The following CFAP54 variants were observed in gnomAD, a reference collection of about 807,000 sequenced individuals.
CFAP54 encodes the protein cilia- and flagella-associated protein 54.
Under a neutral mutation model 370.4 loss-of-function variants are expected in CFAP54, and 290 were observed. The ratio of observed to expected loss-of-function variants is 0.78; its 90% confidence interval spans 0.71 to 0.86. The LOEUF (loss-of-function observed/expected upper bound fraction) is 0.86, where lower values mean the gene tolerates loss of function less well. CFAP54 is among the 40% of genes least tolerant of loss of function. The pLI, the probability that CFAP54 is intolerant of heterozygous loss-of-function variation, is 0.00. For missense variants in CFAP54, 3,399 were observed against 3,528.7 expected (o/e 0.96, Z 0.93); for synonymous variants, 1,206 against 1,236.5 (o/e 0.98, Z 0.52).
At chr12:96,679,858 C>G in intron 40 of CFAP54, 106 bp downstream of exon 40, 2 of 1,130,668 alleles carry the variant, frequency 1.8e-6, no homozygotes, top group Non-Finnish European at 1.3e-6. Flanking sequence ...GTACATGCAA[C>G]ACTCCCTGAT....
chr12:96,871,303 A>G (rs1274250862), intron 67 of CFAP54, among the ~76,000 whole-genome samples: 1 of 152,196 alleles, frequency 6.6e-6, no homozygotes, highest in Admixed American at 6.5e-5. Context: ...TTAATAAATT[A>G]TTTGTGCTTT....
At chr12:96,850,394 G>A (rs1229226992) in intron 66 of CFAP54, among the ~76,000 whole-genome samples, 2 of 152,006 alleles carry the variant, frequency 1.3e-5, no homozygotes, top group South Asian at 4.1e-4. Context: ...ATTCAGGGGA[G>A]TGGGAGAGGC....
chr12:96,639,819 C>A (rs533925450), intron 32 of CFAP54, among the ~76,000 whole-genome samples: 22 of 151,712 alleles, frequency 1.5e-4, no homozygotes, highest in African/African-American at 4.8e-4. Flanking sequence ...ACAGAACCAA[C>A]GACAAAAACC....
chr12:96,566,193 A>G (rs1955863930), intron 19 of CFAP54, among the ~76,000 whole-genome samples: 1 of 152,222 alleles, frequency 6.6e-6, no homozygotes, highest in Non-Finnish European at 1.5e-5. Flanking sequence ...AGAACAAACT[A>G]ATACACCTTC....
Position 96,743,459 on chromosome 12 carries a change from G to A in CFAP54, c.7277G>A (p.Ser2426Asn). Reference sequence around the variant, plus strand: ...AATGAAGTGTGTATGGAGGCAAAAAGCGCAGGGGACACGGAACTGCAGGCT... The same window carrying A: ...AATGAAGTGTGTATGGAGGCAAAAAACGCAGGGGACACGGAACTGCAGGCT... ...LINEVCMEAKSAGDTELQAEF... is the reference protein window; with the variant it reads ...LINEVCMEAKNAGDTELQAEF... The change falls in exon 53 of 68, where the codon AGC (serine) becomes AAC (asparagine). Residue 2426 changes from serine to asparagine, a missense_variant. Ser to Asn is a conservative substitution (Grantham distance 46). This residue lies in a region of CFAP54 where 2,796 missense variants were observed against 2,869.7 expected (regional missense o/e 0.97). Coordinates refer to ENST00000524981, the MANE Select transcript of CFAP54 (RefSeq NM_001306084.2). 1.2e-6 allele frequency: 2 copies of A among 1,614,090 alleles called. No homozygotes were observed. Among genetic ancestry groups the A allele is most frequent in the South Asian group, 1.1e-5 (1 of 91,074 alleles).
At chr12:96,743,067 A>G (rs145314818) in intron 52 of CFAP54, among the ~76,000 whole-genome samples, 54 of 152,318 alleles carry the variant, frequency 3.5e-4, no homozygotes, top group African/African-American at 1.2e-3. Flanking sequence ...CTGTTCTTAG[A>G]TCACAGCTTG....
chr12:96,591,295 A>G (rs1368011457), intron 23 of CFAP54, among the ~76,000 whole-genome samples: 1 of 152,208 alleles, frequency 6.6e-6, no homozygotes, highest in Non-Finnish European at 1.5e-5. Context: ...TGAATTCAAG[A>G]GAGCCACTTT....
chr12:96,657,870 TGCTAC>T lies in CFAP54; in HGVS notation c.5101-11_5101-7del. ...AAATTACACATTTTTTTTTTCACTG[TGCTAC>T]TTGCAGCCTATTGAAGACAAAGGAG... On this transcript the variant is annotated splice_polypyrimidine_tract_variant and splice_region_variant and intron_variant, in intron 36 of 67. Transcript: ENST00000524981. 2 of 1,559,112 alleles carry T rather than the reference TGCTAC, an allele frequency of 1.3e-6. No homozygotes were observed. Among genetic ancestry groups the T allele is most frequent in the Admixed American group, 1.9e-5 (1 of 53,512 alleles).
intron 23 of CFAP54, 89 bp from the exon 24 acceptor site, chr12:96,592,401 G>A (rs917434284): frequency 5.3e-6 from 2 of 373,958 alleles, no homozygotes; most frequent in African/African-American, 4.1e-5. Flanking sequence ...GGATCTTTGT[G>A]TAGATACTGA....
intron 58 of CFAP54, among the ~76,000 whole-genome samples, chr12:96,763,301 G>C (rs371408052): frequency 2.6e-5 from 4 of 151,736 alleles, no homozygotes; most frequent in African/African-American, 9.7e-5. Flanking sequence ...CTCAATCATT[G>C]TTTGTTTGTT....
At chr12:96,517,679 C>G (rs113362376) in intron 5 of CFAP54, among the ~76,000 whole-genome samples, 2,637 of 152,272 alleles carry the variant, frequency 0.017, 40 homozygotes, top group Non-Finnish European at 0.027. Flanking sequence ...AAGGAATCAA[C>G]CTTAGTCTAA....
chr12:96,755,394 T>C (rs1219260185), intron 56 of CFAP54, among the ~76,000 whole-genome samples: 1 of 152,148 alleles, frequency 6.6e-6, no homozygotes. Flanking sequence ...ATAGTCACCA[T>C]GTTGTACAAT....
At chr12:96,502,244 T>C (rs1955037098) in intron 2 of CFAP54, among the ~76,000 whole-genome samples, 2 of 152,120 alleles carry the variant, frequency 1.3e-5, no homozygotes, top group Middle Eastern at 3.4e-3. Flanking sequence ...GAAAAAGTTT[T>C]ATCTACTTTT....
chr12:96,788,530 T>G (rs1402665762), intron 62 of CFAP54, among the ~76,000 whole-genome samples: 1 of 152,252 alleles, frequency 6.6e-6, no homozygotes, highest in Non-Finnish European at 1.5e-5. Context: ...GATATGTTCA[T>G]GTTACTGTTG....
In CFAP54 at chr12:96,773,616, A is replaced by G. The variant is rs77039811; in HGVS notation, c.8281+8398A>G. On this transcript the variant is annotated intron_variant, in intron 60 of 67. Coordinates refer to ENST00000524981, the MANE Select transcript of CFAP54 (RefSeq NM_001306084.2). ...AATACAAATAGTGGTATAACTGTACACATAATAATGCTCCTTGCTCTTTTT... is the reference window on the plus strand; with the variant it reads ...AATACAAATAGTGGTATAACTGTACGCATAATAATGCTCCTTGCTCTTTTT... Among the ~76,000 whole-genome samples the G allele has an allele frequency of 9.5e-3, 1,445 of 152,356 alleles. 53 individuals are homozygous for G. In the East Asian group the frequency reaches 0.1, roughly 11 times the overall value.
intron 36 of CFAP54, among the ~76,000 whole-genome samples, chr12:96,653,398 G>C (rs1956883911): frequency 6.6e-6 from 1 of 152,182 alleles, no homozygotes; most frequent in African/African-American, 2.4e-5. Flanking sequence ...CTTCAAAAAT[G>C]TAAGACTGAA....
chr12:96,803,146 A>G (rs184582835), intron 63 of CFAP54, among the ~76,000 whole-genome samples: 4 of 152,156 alleles, frequency 2.6e-5, no homozygotes, highest in Admixed American at 6.5e-5. Flanking sequence ...ACACGTGTGC[A>G]TGTGTCTTTA....
At chr12:96,504,102 T>C in intron 3 of CFAP54, 73 bp downstream of exon 3, 1 of 1,349,542 alleles carries the variant, frequency 7.4e-7, no homozygotes, top group Non-Finnish European at 9.7e-7. Context: ...GTTGACAGCT[T>C]CTAAATGTCT....
At chr12:96,606,666 A>T (rs1045451179) in intron 26 of CFAP54, among the ~76,000 whole-genome samples, 1 of 152,318 alleles carries the variant, frequency 6.6e-6, no homozygotes, top group South Asian at 2.1e-4. Flanking sequence ...GGCAGATTAT[A>T]GTAGCCTGAG....
Sources: gnomAD v4.1 joint callset for allele counts (sites outside exome capture counted in the v4.1 genomes callset) on GRCh38, gnomAD v4.1.1 for gene constraint, gnomAD v4.1.1 regional missense constraint, MANE v1.5 for transcripts, NCBI Gene and HGNC (gene_info 2026-07-23, HGNC 2026-07-21) for gene names.